TULP4: variants seen among roughly 807,000 people sequenced by gnomAD.
The protein encoded by TULP4 is tubby-related protein 4.
Under a neutral mutation model 129.0 loss-of-function variants are expected in TULP4, and 16 were observed. The ratio of observed to expected loss-of-function variants is 0.12; its 90% CI spans 0.08 to 0.19. The LOEUF (loss-of-function observed/expected upper bound fraction) is 0.19, where lower values mean the gene tolerates loss of function less well. Ranked by LOEUF, TULP4 falls within the 10% of genes least tolerant of loss-of-function variation. The pLI, the probability that TULP4 is intolerant of heterozygous loss-of-function variation, is 1.00. For missense variants in TULP4, 1,842 were observed against 2,059.1 expected (o/e 0.89, Z 2.04); for synonymous variants, 998 against 854.0 (o/e 1.17, Z -2.94).
rs189641572 is a variant in TULP4 at position 158,417,648 on chromosome 6, C to G, written c.381+4455C>G. ...GGATCACTGGTCAAGGAACTGGTGG[C>G]TTTCTGCACCTGGAAAAGTTCTGTG... is the stretch of plus-strand genomic sequence containing the variant. On this transcript the variant is annotated intron_variant, in intron 2 of 13. Transcript: ENST00000367097. Among the ~76,000 whole-genome samples the G allele has an allele frequency of 1.6e-4, 24 of 152,282 alleles. No individual in the cohort carries two copies. The East Asian group carries it at 4.4e-3, about 28-fold the overall frequency.
intron 1 of TULP4, among the ~76,000 whole-genome samples, chr6:158,353,908 A>G (rs577921663): frequency 6.6e-6 from 1 of 152,336 alleles, no homozygotes; most frequent in Admixed American, 6.5e-5. Flanking sequence ...AAGGGGTTTT[A>G]TTTTATGTGG....
Position 158,244,299 on chromosome 6 carries a change from GAAAA to G in TULP4, n.68+12001_68+12004del, listed in dbSNP as rs887226747. On this transcript the variant is annotated intron_variant and non_coding_transcript_variant, in intron 1 of 1. Transcript: ENST00000620026. Reference sequence around the variant, plus strand: ...AAATCAGAGCAGACCATTTTTAAAAGAAAAAAAACCTAAATGTGCAATAAACAAA... The same window carrying G: ...AAATCAGAGCAGACCATTTTTAAAAGAAAACCTAAATGTGCAATAAACAAA... Among the ~76,000 whole-genome samples, 4 of 151,746 alleles carry G rather than the reference GAAAA, an allele frequency of 2.6e-5. No homozygotes were observed. In the East Asian group the frequency reaches 7.8e-4, roughly 29 times the overall value.
At chr6:158,425,002 A>C (rs1778443096) in intron 2 of TULP4, among the ~76,000 whole-genome samples, 1 of 151,430 alleles carries the variant, frequency 6.6e-6, no homozygotes, top group Non-Finnish European at 1.5e-5. Flanking sequence ...AAATACAAAA[A>C]AATTAGCCGG....
intron 1 of TULP4, among the ~76,000 whole-genome samples, chr6:158,372,038 C>T (rs1449983427): frequency 6.6e-6 from 1 of 151,792 alleles, no homozygotes; most frequent in Non-Finnish European, 1.5e-5. Flanking sequence ...TGGTCTCAAA[C>T]TCCTAGGCTC....
chr6:158,494,014 C>A (rs1780272617), intron 10 of TULP4, among the ~76,000 whole-genome samples: 1 of 152,174 alleles, frequency 6.6e-6, no homozygotes, highest in Non-Finnish European at 1.5e-5. Context: ...CCCTCAGTGC[C>A]CCCTCACCCT....
chr6:158,261,702 G>C (rs1272764162), intron 1 of TULP4, among the ~76,000 whole-genome samples: 1 of 152,228 alleles, frequency 6.6e-6, no homozygotes, highest in African/African-American at 2.4e-5. Context: ...AATGTTGACT[G>C]TTCATGTAGC....
intron 1 of TULP4, among the ~76,000 whole-genome samples, chr6:158,269,492 T>C (rs1435015416): frequency 6.6e-6 from 1 of 151,878 alleles, no homozygotes; most frequent in East Asian, 1.9e-4. Context: ...AGCATTCACA[T>C]ACAAGGCCAT....
chr6:158,511,390 C>CT lies in TULP4; in HGVS notation c.*4710dup, dbSNP rs35688574. ...ATTACTACTGGCATTTTCTTTTTCC[C>CT]TTTTTTTTTTTTTTAACCGTAAGTG... is the stretch of plus-strand genomic sequence containing the variant. On this transcript the variant is annotated 3_prime_UTR_variant, in exon 14 of 14. Transcript: ENST00000367097. The CT allele has an allele frequency of 0.95, 137,438 of 143,992 alleles. 65,641 individuals carry two copies. The highest frequency in any genetic ancestry group is 0.99 in the South Asian group (4,506 of 4,560). 8.9% of individuals were successfully genotyped at this position (143,992 alleles called of 1,614,324 possible). A position where few individuals can be genotyped will look rare whatever the true frequency, so the allele number is the denominator to read the frequency against.
At chr6:158,481,454 G>T in intron 8 of TULP4, 165 bp downstream of exon 8, 1 of 678,606 alleles carries the variant, frequency 1.5e-6, no homozygotes, top group Non-Finnish European at 2.6e-6. Context: ...CCATTGAAAT[G>T]AACAGTTCTC....
intron 1 of TULP4, among the ~76,000 whole-genome samples, chr6:158,270,309 T>G (rs1778524365): frequency 6.6e-6 from 1 of 152,228 alleles, no homozygotes; most frequent in South Asian, 2.1e-4. Flanking sequence ...GACCCTACCT[T>G]GGCTTTATCC....
intron 1 of TULP4, chr6:158,241,895 C>T (rs1583668344): frequency 2.7e-6 from 2 of 750,878 alleles, no homozygotes; most frequent in East Asian, 5.0e-5. Flanking sequence ...GCCAGGCCAG[C>T]TTTGTTAAAT....
intron 1 of TULP4, among the ~76,000 whole-genome samples, chr6:158,284,052 A>G (rs1397960498): frequency 6.6e-6 from 1 of 152,226 alleles, no homozygotes; most frequent in Non-Finnish European, 1.5e-5. Flanking sequence ...TGCAAAAGAT[A>G]CAGCAAACAT....
At chr6:158,303,810 G>A (rs1779169087) in intron 1 of TULP4, among the ~76,000 whole-genome samples, 1 of 152,192 alleles carries the variant, frequency 6.6e-6, no homozygotes, top group Non-Finnish European at 1.5e-5. Flanking sequence ...CAGAGTGGTT[G>A]CATTCTTACA....
chr6:158,369,575 A>G (rs1164487843), intron 1 of TULP4, among the ~76,000 whole-genome samples: 1 of 152,148 alleles, frequency 6.6e-6, no homozygotes, highest in Non-Finnish European at 1.5e-5. Context: ...CAGAGCATTC[A>G]TTTGGGTGGA....
intron 1 of TULP4, among the ~76,000 whole-genome samples, chr6:158,325,403 A>AG (rs1331960954): frequency 1.4e-5 from 2 of 138,118 alleles, no homozygotes; most frequent in Non-Finnish European, 3.0e-5. Flanking sequence ...CCCAGGCTGG[A>AG]GTGCAGTGGT....
chr6:158,349,301 G>A (rs1301221072), intron 1 of TULP4, among the ~76,000 whole-genome samples: 3 of 129,418 alleles, frequency 2.3e-5, no homozygotes, highest in Non-Finnish European at 4.9e-5. Flanking sequence ...CTGCCGGTCA[G>A]AGGTGCTCCC....
intron 1 of TULP4, among the ~76,000 whole-genome samples, chr6:158,399,861 G>T (rs1777803011): frequency 6.6e-6 from 1 of 152,164 alleles, no homozygotes; most frequent in African/African-American, 2.4e-5. Context: ...TAGCATTCAT[G>T]TGGATTTTGA....
At chr6:158,461,404 T>TC (rs1473662299) in intron 5 of TULP4, among the ~76,000 whole-genome samples, 159 bp from the exon 6 acceptor site, 1 of 138,386 alleles carries the variant, frequency 7.2e-6, no homozygotes, top group Admixed American at 7.3e-5. Flanking sequence ...GGAGTGAAAC[T>TC]CCGTCTCAAA....
At chr6:158,383,176 A>G (rs1490702984) in intron 1 of TULP4, among the ~76,000 whole-genome samples, 1 of 152,162 alleles carries the variant, frequency 6.6e-6, no homozygotes, top group Non-Finnish European at 1.5e-5. Context: ...CGGGGCCTGG[A>G]CTTGAAATTC....
Sources: gnomAD v4.1 joint callset for allele counts (sites outside exome capture counted in the v4.1 genomes callset) on GRCh38, gnomAD v4.1.1 for gene constraint, MANE v1.5 for transcripts, NCBI Gene and HGNC (gene_info 2026-07-23, HGNC 2026-07-21) for gene names.